TJP1: variants seen among roughly 807,000 people sequenced by gnomAD.
TJP1 encodes tight junction protein ZO-1.
Under a neutral mutation model 194.2 loss-of-function variants are expected in TJP1, and 43 were observed. That is an observed-to-expected ratio of 0.22 (90% CI 0.17 to 0.29). The LOEUF is 0.29. TJP1 is among the 10% of genes least tolerant of loss of function. TJP1 has a pLI of 1.00. For missense variants in TJP1, 1,971 were observed against 2,185.7 expected, an observed-to-expected ratio of 0.90 and a Z score of 1.96; for synonymous variants, 801 against 779.0, an observed-to-expected ratio of 1.03 and a Z score of -0.47.
At chr15:29,709,805 T>TTA (rs2042125775) in intron 24 of TJP1, among the ~76,000 whole-genome samples, 2 of 152,150 alleles carry the variant, frequency 1.3e-5, no homozygotes, top group South Asian at 4.1e-4. Flanking sequence ...ATTTCACCAC[T>TTA]TACATTTCAG....
At chr15:29,713,933 A>G (rs2042394020) in intron 23 of TJP1, among the ~76,000 whole-genome samples, 1 of 152,120 alleles carries the variant, frequency 6.6e-6, no homozygotes, top group Non-Finnish European at 1.5e-5. Flanking sequence ...TAAATTCACA[A>G]AGACAGATGT....
At chr15:29,945,307 AAAGT>A (rs1333225050) in intron 2 of TJP1, among the ~76,000 whole-genome samples, 1 of 152,246 alleles carries the variant, frequency 6.6e-6, no homozygotes, top group Non-Finnish European at 1.5e-5. Context: ...GAATCTGGAA[AAAGT>A]AAGAACTTTT....
intron 1 of TJP1, among the ~76,000 whole-genome samples, chr15:29,966,101 A>G (rs574603353): frequency 6.6e-6 from 1 of 152,316 alleles, no homozygotes; most frequent in African/African-American, 2.4e-5. Context: ...TGTTTTCAGA[A>G]GCAGAACCCC....
chr15:29,842,982 T>C (rs2051279255), intron 2 of TJP1, among the ~76,000 whole-genome samples: 1 of 152,162 alleles, frequency 6.6e-6, no homozygotes, highest in African/African-American at 2.4e-5. Flanking sequence ...GGATAATCAC[T>C]GATTTTTTTA....
intron 2 of TJP1, chr15:29,956,126 A>C (rs1478308895): frequency 1.5e-5 from 15 of 1,020,764 alleles, no homozygotes; most frequent in African/African-American, 1.7e-5. Flanking sequence ...CTAAAATTAA[A>C]AAATGCCTGC....
intron 1 of TJP1, among the ~76,000 whole-genome samples, 169 bp downstream of exon 1, chr15:29,821,833 C>CCCCGCGGCCCGCGG (rs553652689): frequency 3.5e-4 from 51 of 145,550 alleles, no homozygotes; most frequent in Admixed American, 6.8e-4. Context: ...CCGAGGGGCT[C>CCCCGCGGCCCGCGG]CCCGCGGCCC....
intron 2 of TJP1, among the ~76,000 whole-genome samples, chr15:29,839,286 C>T (rs1253104044): frequency 2.0e-5 from 3 of 152,058 alleles, no homozygotes; most frequent in African/African-American, 7.2e-5. Context: ...GTGTGAGCCA[C>T]CGCACCCGGC....
intron 16 of TJP1, 57 bp downstream of exon 16, chr15:29,727,880 C>A: frequency 1.4e-6 from 2 of 1,443,654 alleles, no homozygotes; most frequent in Non-Finnish European, 9.7e-7. Flanking sequence ...TAACCAAATC[C>A]CATCCCACTC....
intron 2 of TJP1, among the ~76,000 whole-genome samples, chr15:29,896,745 G>A (rs2053489397): frequency 6.6e-6 from 1 of 152,200 alleles, no homozygotes; most frequent in African/African-American, 2.4e-5. Flanking sequence ...GGGAACTGGA[G>A]CAAAGGTGAC....
chr15:29,856,237 T>C (rs991334135), intron 2 of TJP1, among the ~76,000 whole-genome samples: 5 of 152,138 alleles, frequency 3.3e-5, no homozygotes, highest in Admixed American at 2.6e-4. Context: ...AGTGAGACCC[T>C]GTCACTTTAA....
At chr15:29,713,217 A>G (rs546399590) in intron 23 of TJP1, among the ~76,000 whole-genome samples, 1 of 152,382 alleles carries the variant, frequency 6.6e-6, no homozygotes, top group South Asian at 2.1e-4. Flanking sequence ...ATAACAAAAA[A>G]TCCCTGGTTG....
At chr15:29,766,634 C>T in intron 4 of TJP1, 92 bp from the exon 5 acceptor site, 1 of 1,249,682 alleles carries the variant, frequency 8.0e-7, no homozygotes, top group Non-Finnish European at 1.1e-6. Context: ...CTTCTCATCC[C>T]ATATTAACTA....
chr15:29,701,507 TA>T lies in TJP1; in HGVS notation c.*87del. On this transcript the variant is annotated 3_prime_UTR_variant, in exon 28 of 28. Coordinates refer to ENST00000614355, the MANE Select transcript of TJP1 (RefSeq NM_001330239.4). The stretch of plus-strand genomic sequence containing the variant: ...TACTAACAAACTGTAGTATCAACTC[TA>T]AAAAAGGTATAATACTTGATAGAGT... 2 of 1,108,346 alleles carry T rather than the reference TA, an allele frequency of 1.8e-6. No homozygotes were observed. Among genetic ancestry groups the T allele is most frequent in the Non-Finnish European group, 2.7e-6 (2 of 753,688 alleles). 68.7% of individuals were successfully genotyped at this position (1,108,346 alleles called of 1,614,324 possible).
intron 11 of TJP1, among the ~76,000 whole-genome samples, 173 bp downstream of exon 11, chr15:29,737,086 GGAAGT>G (rs2044082452): frequency 6.6e-6 from 1 of 152,184 alleles, no homozygotes. Flanking sequence ...TACAAGAATG[GGAAGT>G]GAGAAGTCCA....
At position 29,718,608 on chromosome 15, in the gene TJP1, G is replaced by A. The variant is rs376437256; in HGVS notation, c.3534C>T (p.His1178=). 1 of 1,614,086 alleles carries A rather than the reference G, an allele frequency of 6.2e-7. No individual in the cohort carries two copies. The highest frequency in any genetic ancestry group is 1.7e-5 in the Admixed American group (1 of 60,006). ...CTGCAGGCTTGGGCCCTGCTGAAGG[G>A]TGGGGCTGGGCTTCCGGTCTGAGTC... is the stretch of plus-strand genomic sequence containing the variant. ...HGRLRPEAQP[H]PSAGPKPAES... The change falls in exon 21 of 28, where the codon CAC becomes CAT. Residue 1178 remains histidine, a synonymous_variant. Coordinates refer to ENST00000614355, the MANE Select transcript of TJP1 (RefSeq NM_001330239.4).
At chr15:29,813,591 G>C (rs546850275) in intron 1 of TJP1, among the ~76,000 whole-genome samples, 8 of 152,262 alleles carry the variant, frequency 5.3e-5, no homozygotes, top group African/African-American at 1.9e-4. Flanking sequence ...TATGCGCAAA[G>C]TTCAGAGAGT....
intron 2 of TJP1, among the ~76,000 whole-genome samples, chr15:29,776,124 T>C (rs781376236): frequency 5.3e-5 from 8 of 152,178 alleles, no homozygotes; most frequent in Non-Finnish European, 8.8e-5. Flanking sequence ...ACATAATTTA[T>C]TTGTATCAGT....
At chr15:29,893,217 G>C (rs372301339) in intron 2 of TJP1, among the ~76,000 whole-genome samples, 46 of 152,150 alleles carry the variant, frequency 3.0e-4, no homozygotes, top group African/African-American at 9.4e-4. Flanking sequence ...TGACTGAATT[G>C]CTGCAATCTC....
rs1044181878 is a variant in TJP1 at position 29,822,124 on chromosome 15, C to T, written c.-96G>A. Reference sequence around the variant, plus strand: ...CACGCCACAGCCCAAATAAACATCTCCCGAGAGCGAGCGGGGCACGGGCGG... The same window carrying T: ...CACGCCACAGCCCAAATAAACATCTTCCGAGAGCGAGCGGGGCACGGGCGG... On this transcript the variant is annotated 5_prime_UTR_variant, in exon 1 of 28. Transcript: ENST00000614355. 71 of 1,206,074 alleles carry T rather than the reference C, an allele frequency of 5.9e-5. No individual in the cohort carries two copies. Among genetic ancestry groups the T allele is most frequent in the Non-Finnish European group, 7.2e-5 (70 of 969,542 alleles). The allele number at this position is 1,206,074 out of a possible 1,614,324, so 74.7% of individuals were successfully genotyped here.
Sources: allele counts gnomAD v4.1 joint callset (sites outside exome capture counted in the v4.1 genomes callset), GRCh38; gene constraint gnomAD v4.1.1; transcripts MANE v1.5; gene names NCBI Gene and HGNC (gene_info 2026-07-23, HGNC 2026-07-21).